The following MBNL2 variants were observed in gnomAD, a reference collection of about 807,000 sequenced individuals.
MBNL2 encodes the protein muscleblind like splicing regulator 2.
In MBNL2, 17 loss-of-function variants were observed where a neutral mutation model predicts 41.9. That is an observed-to-expected ratio of 0.41 (90% confidence interval 0.28 to 0.61). MBNL2 has a LOEUF of 0.61. Among genes scored for constraint, MBNL2 ranks in the 20% least tolerant of loss-of-function variants. The probability of loss-of-function intolerance (pLI) is 0.35; values close to 1 mark genes in which losing one functional copy is unlikely to be tolerated. For synonymous variants in MBNL2, 195 were observed against 182.9 expected (o/e 1.07, Z -0.53); for missense variants, 336 against 505.6 (o/e 0.66, Z 3.22).
rs1342509173 is a variant in MBNL2 at position 97,379,790 on chromosome 13, A to G, written c.1049-11532A>G. Among the ~76,000 whole-genome samples, 3 of 152,192 alleles carry G rather than the reference A, an allele frequency of 2.0e-5. No individual in the cohort carries two copies. The East Asian group carries it at 5.8e-4, about 29-fold the overall frequency. On this transcript the variant is annotated intron_variant, in intron 8 of 8. Coordinates refer to ENST00000679496, the MANE Select transcript of MBNL2 (RefSeq NM_001382683.1). ...CTAACGGGGGCAGGTTTCATTTGGAATGAGGAGACATTCTGGAGATGGAGG... is the reference window on the plus strand; with the variant it reads ...CTAACGGGGGCAGGTTTCATTTGGAGTGAGGAGACATTCTGGAGATGGAGG...
the MBNL2 span, among the ~76,000 whole-genome samples, chr13:97,207,960 G>T: frequency 6.6e-6 from 1 of 152,190 alleles, no homozygotes; most frequent in Non-Finnish European, 1.5e-5. Flanking sequence ...TTAAAGTTCC[G>T]AAATGATCTC....
intron 1 of MBNL2, among the ~76,000 whole-genome samples, chr13:97,233,540 G>A (rs1566356302): frequency 1.3e-5 from 2 of 151,784 alleles, no homozygotes; most frequent in Non-Finnish European, 2.9e-5. Context: ...CTGAGTCTTA[G>A]CTGGTGGAAG....
chr13:97,144,423 CTTT>C, the MBNL2 span, among the ~76,000 whole-genome samples: 14 of 118,078 alleles, frequency 1.2e-4, no homozygotes, highest in African/African-American at 3.6e-4. Flanking sequence ...CATGATACTT[CTTT>C]TTTTTTTTTT....
the MBNL2 span, among the ~76,000 whole-genome samples, chr13:97,213,310 C>T: frequency 6.6e-6 from 1 of 151,516 alleles, no homozygotes; most frequent in African/African-American, 2.4e-5. Context: ...GTCTAATGAA[C>T]AGGAAAAAAA....
chr13:97,247,136 G>T (rs1436113667), intron 1 of MBNL2, among the ~76,000 whole-genome samples: 2 of 152,080 alleles, frequency 1.3e-5, no homozygotes, highest in East Asian at 3.8e-4. Flanking sequence ...CTATGTAAAT[G>T]CCAGCTGATA....
Position 97,273,154 on chromosome 13 carries a change from G to A in MBNL2, c.-604-2478G>A, listed in dbSNP as rs1336349252. ...TTGGGAGAGACTCTGCTGCCTTTGA[G>A]GTTGAGCATCTACCTTGGGTCCTGG... On this transcript the variant is annotated intron_variant, in intron 1 of 8. Coordinates refer to ENST00000679496, the MANE Select transcript of MBNL2 (RefSeq NM_001382683.1). 2.0e-5 allele frequency among the ~76,000 whole-genome samples: 3 copies of A among 152,096 alleles called. No individual in the cohort carries two copies. In the South Asian group the frequency reaches 6.2e-4, roughly 32 times the overall value.
intron 7 of MBNL2, among the ~76,000 whole-genome samples, 192 bp from the exon 8 acceptor site, chr13:97,364,944 A>G (rs866597221): frequency 5.9e-5 from 9 of 152,254 alleles, no homozygotes; most frequent in Admixed American, 1.3e-4. Flanking sequence ...TGAGCTTGGA[A>G]TAATACTGGC....
At chr13:97,267,262 C>T (rs185959564) in intron 1 of MBNL2, among the ~76,000 whole-genome samples, 5 of 152,244 alleles carry the variant, frequency 3.3e-5, no homozygotes, top group Admixed American at 6.5e-5. Flanking sequence ...AGAATGTGAG[C>T]GGCAAGTTCT....
chr13:97,219,377 A>G (rs2040673194), upstream of MBNL2, among the ~76,000 whole-genome samples: 1 of 152,178 alleles, frequency 6.6e-6, no homozygotes, highest in Non-Finnish European at 1.5e-5. Context: ...TCTTTTTCCT[A>G]AAAGCAATCT....
rs2063823910 is a variant in MBNL2 at position 97,366,132 on chromosome 13, T to C, written c.1048+961T>C. 6.6e-6 allele frequency among the ~76,000 whole-genome samples: 1 copy of C among 152,178 alleles called. No homozygotes were observed. The highest frequency in any genetic ancestry group is 6.5e-5 in the Admixed American group (1 of 15,280). On this transcript the variant is annotated intron_variant, in intron 8 of 8. Transcript: ENST00000679496. The surrounding 1 kb of genome is among the most constrained non-coding windows in gnomAD (Gnocchi z 4.7). ...TCACAATTTTAGAAACAACCATTAT[T>C]GCATACACTGTATACACTGAATTGG...
At chr13:97,378,334 AAT>A (rs1229435225) in intron 8 of MBNL2, among the ~76,000 whole-genome samples, 1 of 152,176 alleles carries the variant, frequency 6.6e-6, no homozygotes, top group Non-Finnish European at 1.5e-5. Context: ...CTAAGAATAA[AAT>A]ATGTTTACTA....
chr13:97,291,344 C>A (rs550371602), intron 2 of MBNL2, among the ~76,000 whole-genome samples: 1 of 151,950 alleles, frequency 6.6e-6, no homozygotes, highest in South Asian at 2.1e-4. Context: ...CGGGTTCAAG[C>A]GATTCTCCTG....
At chr13:97,326,580 T>C (rs1165166883) in intron 2 of MBNL2, among the ~76,000 whole-genome samples, 1 of 152,230 alleles carries the variant, frequency 6.6e-6, no homozygotes, top group East Asian at 1.9e-4. Context: ...TAATTATTCA[T>C]GTTGATAGAC....
intron 7 of MBNL2, among the ~76,000 whole-genome samples, chr13:97,362,101 C>T (rs1220674203): frequency 6.6e-6 from 1 of 151,912 alleles, no homozygotes; most frequent in Non-Finnish European, 1.5e-5. Flanking sequence ...TTGAGTGCCC[C>T]TTGATCCAAA....
chr13:97,245,099 T>C (rs2045188466), intron 1 of MBNL2, among the ~76,000 whole-genome samples: 8 of 152,128 alleles, frequency 5.3e-5, no homozygotes, highest in Admixed American at 5.2e-4. Context: ...AGAAGTAGGG[T>C]AAATATTCCC....
chr13:97,192,000 C>T, the MBNL2 span, among the ~76,000 whole-genome samples: 1 of 152,152 alleles, frequency 6.6e-6, no homozygotes, highest in African/African-American at 2.4e-5. Flanking sequence ...AACTTTTATT[C>T]TCTGCTGTAG....
intron 1 of MBNL2, among the ~76,000 whole-genome samples, chr13:97,239,320 T>C (rs1479042080): frequency 6.6e-6 from 1 of 152,242 alleles, no homozygotes; most frequent in African/African-American, 2.4e-5. Flanking sequence ...CTTATAGTAA[T>C]CTCCATGCAT....
the MBNL2 span, among the ~76,000 whole-genome samples, chr13:97,185,136 T>C: frequency 6.6e-6 from 1 of 152,204 alleles, no homozygotes; most frequent in Non-Finnish European, 1.5e-5. Context: ...TATGATGATA[T>C]TTGATATCCA....
intron 3 of MBNL2, among the ~76,000 whole-genome samples, chr13:97,339,696 G>T (rs978875070): frequency 6.6e-6 from 1 of 152,004 alleles, no homozygotes; most frequent in Non-Finnish European, 1.5e-5. Context: ...TCTACCTCGG[G>T]AGTTTAATTT....
Sources: gnomAD v4.1 joint callset for allele counts (sites outside exome capture counted in the v4.1 genomes callset) on GRCh38, gnomAD v4.1.1 for gene constraint, Gnocchi (gnomAD v3.1) non-coding constraint, MANE v1.5 for transcripts, NCBI Gene and HGNC (gene_info 2026-07-23, HGNC 2026-07-21) for gene names.